The following SCN2B variants were observed in gnomAD, a reference collection of about 807,000 sequenced individuals.
SCN2B encodes the protein sodium voltage-gated channel beta subunit 2.
In SCN2B, 14 loss-of-function variants were observed where a neutral mutation model predicts 18.2. The ratio of observed to expected loss-of-function variants is 0.77; its 90% confidence interval spans 0.51 to 1.21. The LOEUF (loss-of-function observed/expected upper bound fraction) is 1.21. Among genes scored for constraint, SCN2B ranks in the 50% most tolerant of loss-of-function variants. The pLI is 0.00. For missense variants in SCN2B, 262 were observed against 286.9 expected (o/e 0.91, Z 0.63); for synonymous variants, 115 against 115.3 (o/e 1.00, Z 0.02).
Position 118,164,136 on chromosome 11 carries a change from A to T in SCN2B, c.*2751T>A, listed in dbSNP as rs1300496998. On this transcript the variant is annotated 3_prime_UTR_variant, in exon 4 of 4. Transcript: ENST00000278947. Reference sequence around the variant, plus strand: ...TTGGGCTTCTTGATGGAGAGTTAGAACTTCTTAGAATACACTAGGAAAGCC... The same window carrying T: ...TTGGGCTTCTTGATGGAGAGTTAGATCTTCTTAGAATACACTAGGAAAGCC... The T allele has an allele frequency of 6.6e-6, 1 of 152,180 alleles. No homozygotes were observed. The highest frequency in any genetic ancestry group is 1.5e-5 in the Non-Finnish European group (1 of 68,046). The allele number at this position is 152,180 out of a possible 1,614,324, so 9.4% of individuals were successfully genotyped here. A position where few individuals can be genotyped will look rare whatever the true frequency, so the allele number is the denominator to read the frequency against.
chr11:118,175,178 G>T (rs1380557427), intron 1 of SCN2B, among the ~76,000 whole-genome samples: 2 of 152,212 alleles, frequency 1.3e-5, no homozygotes, highest in African/African-American at 4.8e-5. Flanking sequence ...TTCCTGCCAT[G>T]CACCAAATCA....
At position 118,168,327 on chromosome 11, in the gene SCN2B, C is replaced by T; in HGVS notation, c.238-32G>A. 1 of 1,586,402 alleles carries T rather than the reference C, an allele frequency of 6.3e-7. No homozygotes were observed. Among genetic ancestry groups the T allele is most frequent in the Non-Finnish European group, 8.7e-7 (1 of 1,155,050 alleles). On this transcript the variant is annotated intron_variant, in intron 2 of 3. Coordinates refer to ENST00000278947, the MANE Select transcript of SCN2B (RefSeq NM_004588.5). The surrounding 1 kb of genome is among the most constrained non-coding windows in gnomAD (Gnocchi z 4.7). ...TTGGAGCAAGGGACAGGATGGGTGGCTGGATGAGCAAGGAACTACAAGGAC... is the reference window on the plus strand; with the variant it reads ...TTGGAGCAAGGGACAGGATGGGTGGTTGGATGAGCAAGGAACTACAAGGAC...
chr11:118,176,382 AGCCCC>A lies in SCN2B; in HGVS notation c.45_49del (p.Gly16GlnfsTer28). 6.2e-7 allele frequency: 1 copy of A among 1,613,992 alleles called. No homozygotes were observed. The highest frequency in any genetic ancestry group is 2.2e-5 in the East Asian group (1 of 44,880). ...CTTACCCAAAGAGAAAAAGAGACTG[AGCCCC>A]GTGAGGCTGAAGGCAGGGCGAGGTA... On this transcript the variant is annotated frameshift_variant, in exon 1 of 4. Transcript: ENST00000278947. LOFTEE classifies it high-confidence loss of function.
Position 118,168,899 on chromosome 11 carries a change from G to A in SCN2B, c.71-148C>T. On this transcript the variant is annotated intron_variant, in intron 1 of 3. Coordinates refer to ENST00000278947, the MANE Select transcript of SCN2B (RefSeq NM_004588.5). The surrounding 1 kb of genome is among the most constrained non-coding windows in gnomAD (Gnocchi z 4.7). The stretch of plus-strand genomic sequence containing the variant: ...CCTGACAGCTCCAGTTAATCAGGAG[G>A]TGGGAGTTACTGTTATTTGCAACAG... 1.2e-6 allele frequency: 1 copy of A among 851,666 alleles called. No homozygotes were observed. The highest frequency in any genetic ancestry group is 2.0e-6 in the Non-Finnish European group (1 of 508,718). 52.8% of individuals were successfully genotyped at this position (851,666 alleles called of 1,614,324 possible).
rs1442781049 is a variant in SCN2B at position 118,166,164 on chromosome 11, C to G, written c.*723G>C. On this transcript the variant is annotated 3_prime_UTR_variant, in exon 4 of 4. Coordinates refer to ENST00000278947, the MANE Select transcript of SCN2B (RefSeq NM_004588.5). Reference sequence around the variant, plus strand: ...TGGGTCCCCGCTGGGAAACATGGCCCCCTACCTGGAGCTGCTCTTCCAGTC... The same window carrying G: ...TGGGTCCCCGCTGGGAAACATGGCCGCCTACCTGGAGCTGCTCTTCCAGTC... 6.5e-6 allele frequency: 1 copy of G among 152,984 alleles called. No homozygotes were observed. Among genetic ancestry groups the G allele is most frequent in the Non-Finnish European group, 1.5e-5 (1 of 68,730 alleles). 9.5% of individuals were successfully genotyped at this position (152,984 alleles called of 1,614,324 possible).
In SCN2B at chr11:118,174,219, G is replaced by A. The variant is rs142299443; in HGVS notation, c.70+2143C>T. ...CCTCCCAAAGCACTGGGATACAGGC[G>A]TGAGCCACCATGCTCAGCCCAGACT... On this transcript the variant is annotated intron_variant, in intron 1 of 3. Coordinates refer to ENST00000278947, the MANE Select transcript of SCN2B (RefSeq NM_004588.5). Among the ~76,000 whole-genome samples, 1,001 of 146,300 alleles carry A rather than the reference G, an allele frequency of 6.8e-3. 4 individuals carry two copies. The highest frequency in any genetic ancestry group is 0.021 in the African/African-American group (830 of 39,420).
chr11:118,166,933 T>A lies in SCN2B; in HGVS notation c.602A>T (p.Glu201Val), dbSNP rs772336314. ...LSTDDLKTEE[E>V]GKTDGEGNPD... ...GTTGCCTTCACCGTCCGTCTTGCCC[T>A]CCTCCTCGGTCTTCAGGTCATCTGT... Residue 201 changes from glutamate (E) to valine (V), a missense_variant, in exon 4 of 4, where the codon GAG (glutamate) becomes GTG (valine). Glu to Val is a moderately radical substitution (Grantham distance 121). Transcript: ENST00000278947. The A allele has an allele frequency of 3.7e-6, 6 of 1,614,096 alleles. No homozygotes were observed. The highest frequency in any genetic ancestry group is 3.3e-5 in the South Asian group (3 of 91,086).
intron 1 of SCN2B, among the ~76,000 whole-genome samples, chr11:118,175,580 A>G (rs1948463221): frequency 6.6e-6 from 1 of 152,164 alleles, no homozygotes; most frequent in Admixed American, 6.5e-5. Flanking sequence ...TTTCTAGCCC[A>G]CTTCCCCACC....
chr11:118,166,490 C>G lies in SCN2B; in HGVS notation c.*397G>C, dbSNP rs1171262045. The G allele has an allele frequency of 1.3e-5, 4 of 311,990 alleles. No homozygotes were observed. The Admixed American group carries it at 1.8e-4, about 14-fold the overall frequency. The allele number at this position is 311,990 out of a possible 1,614,324, so 19.3% of individuals were successfully genotyped here. On this transcript the variant is annotated 3_prime_UTR_variant, in exon 4 of 4. Transcript: ENST00000278947. ...GGGAGCGCTGTCAGCACAGGAAAGC[C>G]CTCCCTCCCCACCAGGTCCTCTCTG... is the stretch of plus-strand genomic sequence containing the variant.
intron 1 of SCN2B, among the ~76,000 whole-genome samples, chr11:118,173,294 C>A (rs1266537706): frequency 6.6e-6 from 1 of 152,216 alleles, no homozygotes; most frequent in Non-Finnish European, 1.5e-5. Flanking sequence ...TCCTTCCCTT[C>A]TCCATGCCTT....
In SCN2B at chr11:118,168,869, G is replaced by T; in HGVS notation, c.71-118C>A. The T allele has an allele frequency of 9.0e-7, 1 of 1,110,742 alleles. No individual in the cohort carries two copies. The highest frequency in any genetic ancestry group is 2.4e-5 in the East Asian group (1 of 42,234). 68.8% of individuals were successfully genotyped at this position (1,110,742 alleles called of 1,614,324 possible). A position where few individuals can be genotyped will look rare whatever the true frequency, so the allele number is the denominator to read the frequency against. On this transcript the variant is annotated intron_variant, in intron 1 of 3. Coordinates refer to ENST00000278947, the MANE Select transcript of SCN2B (RefSeq NM_004588.5). The surrounding 1 kb of genome is among the most constrained non-coding windows in gnomAD (Gnocchi z 4.7). ...AGAGCAGAGCCACAGGGAGGGGACT[G>T]GGTCCCTGACAGCTCCAGTTAATCA... is the stretch of plus-strand genomic sequence containing the variant.
At chr11:118,169,753 A>G (rs1948415076) in intron 1 of SCN2B, among the ~76,000 whole-genome samples, 1 of 151,862 alleles carries the variant, frequency 6.6e-6, no homozygotes, top group Non-Finnish European at 1.5e-5. Context: ...GCAGAGTCCT[A>G]TTAGGAACAC....
rs1014520867 is a variant in SCN2B, at chr11:118,163,599, G to A, written c.*3288C>T. 6.6e-6 allele frequency: 1 copy of A among 152,650 alleles called. No individual in the cohort carries two copies. The highest frequency in any genetic ancestry group is 1.5e-5 in the Non-Finnish European group (1 of 68,074). The allele number at this position is 152,650 out of a possible 1,614,324, so 9.5% of individuals were successfully genotyped here. A position where few individuals can be genotyped will look rare whatever the true frequency, so the allele number is the denominator to read the frequency against. On this transcript the variant is annotated 3_prime_UTR_variant, in exon 4 of 4. Transcript: ENST00000278947. ...TTTGTTCTTATAAGCTAAATCCCAT[G>A]GGTTAGCCAGCCCGTCTCTCTTTGC...
intron 1 of SCN2B, among the ~76,000 whole-genome samples, chr11:118,172,558 A>AG (rs951714647): frequency 3.9e-5 from 6 of 152,194 alleles, no homozygotes; most frequent in African/African-American, 1.2e-4. Context: ...CCTCCATACA[A>AG]GGGGGGCCCA....
intron 1 of SCN2B, among the ~76,000 whole-genome samples, chr11:118,175,253 G>A (rs1011966602): frequency 1.3e-5 from 2 of 152,246 alleles, no homozygotes; most frequent in African/African-American, 4.8e-5. Context: ...CAGAGGGGTT[G>A]AGTAACTTGC....
At chr11:118,174,522 C>T (rs1948454793) in intron 1 of SCN2B, among the ~76,000 whole-genome samples, 1 of 152,154 alleles carries the variant, frequency 6.6e-6, no homozygotes, top group South Asian at 2.1e-4. Context: ...GCTACTGCAA[C>T]ACCACCAAAG....
chr11:118,174,848 C>T lies in SCN2B; in HGVS notation c.70+1514G>A, dbSNP rs147713465. Among the ~76,000 whole-genome samples the T allele has an allele frequency of 4.5e-3, 681 of 152,324 alleles. 4 individuals carry two copies. The highest frequency in any genetic ancestry group is 0.015 in the African/African-American group (622 of 41,564). ...CTTCCTAACTCCTGAGGAAAGGGTC[C>T]TGTCCTCCAGCTGGGCCTCCTTACA... On this transcript the variant is annotated intron_variant, in intron 1 of 3. Coordinates refer to ENST00000278947, the MANE Select transcript of SCN2B (RefSeq NM_004588.5).
Position 118,176,466 on chromosome 11 carries a change from G to A in SCN2B, c.-35C>T, listed in dbSNP as rs752582665. The A allele has an allele frequency of 8.3e-6, 13 of 1,561,254 alleles. No homozygotes were observed. Among genetic ancestry groups the A allele is most frequent in the East Asian group, 4.5e-5 (2 of 44,602 alleles). On this transcript the variant is annotated 5_prime_UTR_variant, in exon 1 of 4. Coordinates refer to ENST00000278947, the MANE Select transcript of SCN2B (RefSeq NM_004588.5). ...CTGAGATGTTAGTCGGGTGGGCTAC[G>A]GGAGAGGGTGATTTGAGGGGGCGAG... is the stretch of plus-strand genomic sequence containing the variant.
intron 1 of SCN2B, 148 bp downstream of exon 1, chr11:118,176,214 C>T (rs1591447377): frequency 9.4e-6 from 7 of 746,462 alleles, no homozygotes; most frequent in East Asian, 8.1e-5. Flanking sequence ...TCCCCAGCAA[C>T]GTCCCTTCCA....
Sources: allele counts gnomAD v4.1 joint callset (sites outside exome capture counted in the v4.1 genomes callset), GRCh38; gene constraint gnomAD v4.1.1; non-coding constraint Gnocchi (gnomAD v3.1); transcripts MANE v1.5; gene names NCBI Gene and HGNC (gene_info 2026-07-23, HGNC 2026-07-21).